The following STAG1 variants were observed in gnomAD, a reference collection of about 807,000 sequenced individuals.
The protein encoded by STAG1 is STAG1 cohesin complex component.
Under a neutral mutation model 170.9 loss-of-function variants are expected in STAG1, and 26 were observed. That is an observed-to-expected ratio of 0.15 (90% CI 0.11 to 0.21). The LOEUF is 0.21. Among genes scored for constraint, STAG1 ranks in the 10% least tolerant of loss-of-function variants. The probability of loss-of-function intolerance (pLI) is 1.00; values close to 1 mark genes in which losing one functional copy is unlikely to be tolerated. For synonymous variants in STAG1, 514 were observed against 497.7 expected (o/e 1.03, Z -0.44); for missense variants, 964 against 1,509.5 (o/e 0.64, Z 5.99).
At chr3:136,714,784 C>G (rs1943474835) in intron 1 of STAG1, among the ~76,000 whole-genome samples, 1 of 148,688 alleles carries the variant, frequency 6.7e-6, no homozygotes, top group African/African-American at 2.5e-5. Flanking sequence ...TGGCACATGC[C>G]TATATTCTCA....
intron 25 of STAG1, among the ~76,000 whole-genome samples, chr3:136,365,069 A>C (rs1458746708): frequency 6.6e-6 from 1 of 152,194 alleles, no homozygotes; most frequent in African/African-American, 2.4e-5. Flanking sequence ...AGCTATTATA[A>C]TACTCACAAA....
chr3:136,478,577 G>A (rs1278151648), intron 9 of STAG1, among the ~76,000 whole-genome samples: 1 of 151,964 alleles, frequency 6.6e-6, no homozygotes, highest in Non-Finnish European at 1.5e-5. Context: ...TTTACAAAAG[G>A]CAATAATCTA....
intron 1 of STAG1, among the ~76,000 whole-genome samples, chr3:136,666,921 G>C (rs1349652921): frequency 6.6e-6 from 1 of 151,746 alleles, no homozygotes; most frequent in Non-Finnish European, 1.5e-5. Flanking sequence ...AAGGAACAGA[G>C]ACAGCTGAGC....
chr3:136,628,662 C>CT (rs544443952), intron 2 of STAG1, among the ~76,000 whole-genome samples: 508 of 152,268 alleles, frequency 3.3e-3, no homozygotes, highest in Non-Finnish European at 4.2e-3. Context: ...ATAATACCTC[C>CT]TACTTTTCCT....
chr3:136,433,702 CA>C (rs1376402510), intron 15 of STAG1, 43 bp from the exon 16 acceptor site: 2 of 1,315,474 alleles, frequency 1.5e-6, no homozygotes, highest in Non-Finnish European at 2.2e-6. Context: ...GACAGTTTTA[CA>C]ACAACCATGT....
chr3:136,645,805 TCTTC>T (rs1462539692), intron 1 of STAG1, among the ~76,000 whole-genome samples: 2 of 152,186 alleles, frequency 1.3e-5, no homozygotes, highest in South Asian at 2.1e-4. Context: ...CACCGTTTAA[TCTTC>T]CTTATCAGTG....
At chr3:136,505,664 T>C (rs1477218240) in intron 7 of STAG1, among the ~76,000 whole-genome samples, 1 of 152,160 alleles carries the variant, frequency 6.6e-6, no homozygotes, top group Non-Finnish European at 1.5e-5. Flanking sequence ...GATACACAAG[T>C]GAACAAAACA....
At chr3:136,453,096 T>C (rs2088992964) in intron 13 of STAG1, among the ~76,000 whole-genome samples, 5 of 152,190 alleles carry the variant, frequency 3.3e-5, no homozygotes, top group Non-Finnish European at 1.5e-5. Flanking sequence ...AATTATAACA[T>C]ATAACCAAAT....
intron 1 of STAG1, chr3:136,737,187 G>T: frequency 1.4e-6 from 1 of 724,636 alleles, no homozygotes. Flanking sequence ...CATAAATGCT[G>T]CCTCCGCCAC....
intron 3 of STAG1, among the ~76,000 whole-genome samples, chr3:136,610,929 C>A (rs910203082): frequency 6.6e-6 from 1 of 152,126 alleles, no homozygotes; most frequent in Non-Finnish European, 1.5e-5. Flanking sequence ...ATTTTTTAAT[C>A]ATCATCATAG....
chr3:136,749,273 A>G (rs1470531662), intron 1 of STAG1, among the ~76,000 whole-genome samples: 2 of 152,216 alleles, frequency 1.3e-5, no homozygotes, highest in African/African-American at 4.8e-5. Flanking sequence ...GAGGTCAGAC[A>G]CACAGGAAAT....
intron 1 of STAG1, among the ~76,000 whole-genome samples, chr3:136,723,522 G>A (rs1161050102): frequency 4.6e-5 from 7 of 152,116 alleles, no homozygotes; most frequent in Non-Finnish European, 8.8e-5. Context: ...GAAGTGAGGA[G>A]CGTCTCTGCC....
At chr3:136,726,765 T>C (rs1469818797) in intron 1 of STAG1, among the ~76,000 whole-genome samples, 1 of 152,188 alleles carries the variant, frequency 6.6e-6, no homozygotes, top group Non-Finnish European at 1.5e-5. Flanking sequence ...TAAAACTCTC[T>C]AACAGCTTCT....
intron 1 of STAG1, among the ~76,000 whole-genome samples, chr3:136,730,980 T>G (rs1356409140): frequency 6.6e-6 from 1 of 152,216 alleles, no homozygotes; most frequent in Non-Finnish European, 1.5e-5. Flanking sequence ...AGAATCTGCA[T>G]GTCTAACAAG....
At chr3:136,677,880 A>ATATATATATCATATATATAATATATAT (rs1272480639) in intron 1 of STAG1, among the ~76,000 whole-genome samples, 7 of 147,940 alleles carry the variant, frequency 4.7e-5, no homozygotes, top group African/African-American at 7.4e-5. Context: ...ATCATTTCTG[A>ATATATATATCATATATATAATATATAT]TATATATATC....
chr3:136,612,835 T>C (rs2107818443), intron 3 of STAG1, among the ~76,000 whole-genome samples: 1 of 152,298 alleles, frequency 6.6e-6, no homozygotes, highest in South Asian at 2.1e-4. Flanking sequence ...CAATTACAAA[T>C]AAAAAACATT....
intron 16 of STAG1, 31 bp downstream of exon 16, chr3:136,433,525 T>C: frequency 6.5e-7 from 1 of 1,527,228 alleles, no homozygotes; most frequent in Non-Finnish European, 9.0e-7. Context: ...ATTAAAAACC[T>C]TTTAGGAGAT....
intron 1 of STAG1, among the ~76,000 whole-genome samples, chr3:136,666,169 C>G (rs539374630): frequency 6.9e-6 from 1 of 144,698 alleles, no homozygotes; most frequent in Non-Finnish European, 1.5e-5. Context: ...CCCAAGCCAA[C>G]AGCCAACAGG....
intron 22 of STAG1, among the ~76,000 whole-genome samples, chr3:136,391,396 G>A (rs1456644622): frequency 1.5e-5 from 1 of 68,006 alleles, no homozygotes; most frequent in Non-Finnish European, 3.1e-5. Flanking sequence ...TTCTTTTTTT[G>A]AGACAGAGTC....
Sources: allele counts gnomAD v4.1 joint callset (sites outside exome capture counted in the v4.1 genomes callset), GRCh38; gene constraint gnomAD v4.1.1; transcripts MANE v1.5; gene names NCBI Gene and HGNC (gene_info 2026-07-23, HGNC 2026-07-21).